The following RSF1 variants were observed in gnomAD, a reference collection of about 807,000 sequenced individuals.
RSF1 encodes the protein remodeling and spacing factor 1.
Under a neutral mutation model 145.2 loss-of-function variants are expected in RSF1, and 13 were observed. The observed-to-expected ratio is 0.09, with a 90% CI of 0.06 to 0.14. The LOEUF is 0.14. Ranked by LOEUF, RSF1 falls within the 10% of genes least tolerant of loss-of-function variation. RSF1 has a pLI of 1.00. For missense variants in RSF1, 1,517 were observed against 1,718.2 expected (o/e 0.88, Z 2.07); for synonymous variants, 577 against 592.6 (o/e 0.97, Z 0.38).
chr11:77,740,540 T>TA (rs1394272160), intron 4 of RSF1, among the ~76,000 whole-genome samples, 191 bp downstream of exon 4: 22 of 152,328 alleles, frequency 1.4e-4, no homozygotes, highest in Admixed American at 9.2e-4. Context: ...CTGAATATAC[T>TA]CATTTACTTG....
rs1423496445 is a variant in RSF1 at position 77,660,836 on chromosome 11, T to C, written c.*6081A>G. ...ACATGAATATAGCTTTGATTGAAAT[T>C]ATGACACACTTAGATGAATTTAATT... is the stretch of plus-strand genomic sequence containing the variant. On this transcript the variant is annotated 3_prime_UTR_variant, in exon 16 of 16. Transcript: ENST00000308488. The C allele has an allele frequency of 6.6e-6, 1 of 152,178 alleles. No homozygotes were observed. The highest frequency in any genetic ancestry group is 2.4e-5 in the African/African-American group (1 of 41,460). The allele number at this position is 152,178 out of a possible 1,614,324, so 9.4% of individuals were successfully genotyped here. A position where few individuals can be genotyped will look rare whatever the true frequency, so the allele number is the denominator to read the frequency against.
At chr11:77,762,406 C>T (rs925947571) in intron 2 of RSF1, 1 of 152,188 alleles carries the variant, frequency 6.6e-6, no homozygotes, top group Non-Finnish European at 1.5e-5. Flanking sequence ...ACATCCACCC[C>T]CTCCTTTCCA....
At chr11:77,687,912 C>T (rs1489498762) in intron 9 of RSF1, among the ~76,000 whole-genome samples, 3 of 152,132 alleles carry the variant, frequency 2.0e-5, no homozygotes, top group Non-Finnish European at 4.4e-5. Flanking sequence ...GGCTTTTACA[C>T]ATATAAATGG....
the RSF1 span, among the ~76,000 whole-genome samples, chr11:77,851,846 T>C: frequency 2.1e-4 from 32 of 152,148 alleles, no homozygotes; most frequent in Non-Finnish European, 4.0e-4. Flanking sequence ...GTTTATAAAT[T>C]ACCATCTCAG....
intron 1 of RSF1, among the ~76,000 whole-genome samples, chr11:77,804,969 T>C (rs1429497789): frequency 6.6e-6 from 1 of 152,234 alleles, no homozygotes; most frequent in African/African-American, 2.4e-5. Flanking sequence ...TTATGTGTAC[T>C]TCTCATCTAC....
chr11:77,835,645 G>A, the RSF1 span, among the ~76,000 whole-genome samples: 6 of 152,168 alleles, frequency 3.9e-5, no homozygotes, highest in Non-Finnish European at 7.3e-5. Flanking sequence ...GGGGCCAGGC[G>A]TGGTGGCTCA....
intron 1 of RSF1, among the ~76,000 whole-genome samples, chr11:77,773,569 C>T (rs1212228180): frequency 3.3e-5 from 5 of 152,078 alleles, no homozygotes; most frequent in African/African-American, 1.2e-4. Flanking sequence ...AATGTCTCTT[C>T]CTAGAGAAAA....
intron 4 of RSF1, 23 bp from the exon 5 acceptor site, chr11:77,725,722 C>A: frequency 1.3e-6 from 2 of 1,544,336 alleles, no homozygotes; most frequent in Admixed American, 4.0e-5. Flanking sequence ...AAAAATAAGA[C>A]AGCATAAAAA....
chr11:77,788,100 C>T (rs1376545344), intron 1 of RSF1, among the ~76,000 whole-genome samples: 1 of 120,360 alleles, frequency 8.3e-6, no homozygotes, highest in African/African-American at 3.1e-5. Context: ...CAAGATCACA[C>T]CACTGTAGTC....
chr11:77,693,120 T>C (rs967759529), intron 8 of RSF1, among the ~76,000 whole-genome samples: 1 of 152,202 alleles, frequency 6.6e-6, no homozygotes, highest in African/African-American at 2.4e-5. Flanking sequence ...ATGTTTCTCC[T>C]AACCCTGATA....
the RSF1 span, among the ~76,000 whole-genome samples, chr11:77,864,204 G>A: frequency 1.3e-5 from 2 of 152,104 alleles, no homozygotes; most frequent in African/African-American, 2.4e-5. Context: ...TGGGATTACA[G>A]GCATGAGCCA....
At chr11:77,740,706 G>T in intron 4 of RSF1, 25 bp downstream of exon 4, 1 of 1,584,434 alleles carries the variant, frequency 6.3e-7, no homozygotes, top group South Asian at 1.1e-5. Context: ...ACAAATAAGT[G>T]TAAAAAGGTT....
At position 77,725,617 on chromosome 11, in the gene RSF1, C is replaced by T; in HGVS notation, c.661G>A (p.Asp221Asn). The change falls in exon 5 of 16, where the codon GAC becomes AAC. Residue 221 changes from aspartate to asparagine, a missense_variant. Around this residue, in one of 12 missense-constraint regions of RSF1, gnomAD observed 207 missense variants for 191.4 expected, o/e 1.08. Coordinates refer to ENST00000308488, the MANE Select transcript of RSF1 (RefSeq NM_016578.4). The part of the protein sequence containing the change: ...PVLLKNSSQQ[D>N]NSSRESPSLE... The stretch of plus-strand genomic sequence containing the variant: ...CTGGGACTTTCCCGAGAAGAGTTGT[C>T]TTGTTGGCTAGAGTTTTTCAATAGT... 1 of 1,611,668 alleles carries T rather than the reference C, an allele frequency of 6.2e-7. No individual in the cohort carries two copies. The highest frequency in any genetic ancestry group is 8.5e-7 in the Non-Finnish European group (1 of 1,178,812).
At chr11:77,785,148 T>C (rs1314038985) in intron 1 of RSF1, among the ~76,000 whole-genome samples, 3 of 152,170 alleles carry the variant, frequency 2.0e-5, no homozygotes, top group Non-Finnish European at 4.4e-5. Flanking sequence ...ATTTCACCCA[T>C]CACCCAGGGA....
intron 9 of RSF1, among the ~76,000 whole-genome samples, chr11:77,690,178 A>AC (rs1158873722): frequency 1.3e-5 from 2 of 151,768 alleles, no homozygotes; most frequent in African/African-American, 2.4e-5. Context: ...AAAAAAAAAA[A>AC]AACAAAAAAC....
chr11:77,738,085 C>G (rs1483543422), intron 4 of RSF1, among the ~76,000 whole-genome samples: 1 of 152,176 alleles, frequency 6.6e-6, no homozygotes, highest in Non-Finnish European at 1.5e-5. Flanking sequence ...GCCAAGATCG[C>G]GCCACTGCAC....
At chr11:77,850,140 G>C in the RSF1 span, among the ~76,000 whole-genome samples, 7 of 152,256 alleles carry the variant, frequency 4.6e-5, no homozygotes, top group South Asian at 1.4e-3. Context: ...CTCTGAGATA[G>C]GTTAATGTTA....
At chr11:77,799,485 CAG>C (rs529796054) in intron 1 of RSF1, among the ~76,000 whole-genome samples, 103 of 132,720 alleles carry the variant, frequency 7.8e-4, no homozygotes, top group Non-Finnish European at 1.2e-3. Context: ...GCCTGGGTGA[CAG>C]AGTGAGACCC....
chr11:77,870,538 C>T, the RSF1 span, among the ~76,000 whole-genome samples: 2 of 151,702 alleles, frequency 1.3e-5, no homozygotes, highest in Admixed American at 6.6e-5. Context: ...GGGGTTTCAC[C>T]GTGTTAGCCA....
Sources: gnomAD v4.1 joint callset for allele counts (sites outside exome capture counted in the v4.1 genomes callset) on GRCh38, gnomAD v4.1.1 for gene constraint, gnomAD v4.1.1 regional missense constraint, MANE v1.5 for transcripts, NCBI Gene and HGNC (gene_info 2026-07-23, HGNC 2026-07-21) for gene names.